KSR2: variants seen among roughly 807,000 people sequenced by gnomAD.
KSR2 encodes kinase suppressor of ras 2.
KSR2 carries 25 observed loss-of-function variants against 107.8 expected under a neutral mutation model. That is an observed-to-expected ratio of 0.23 (90% CI 0.17 to 0.32). The LOEUF (loss-of-function observed/expected upper bound fraction) is 0.32, where lower values mean the gene tolerates loss of function less well. KSR2 is among the 10% of genes least tolerant of loss of function. The pLI, the probability that KSR2 is intolerant of heterozygous loss-of-function variation, is 1.00. For missense variants in KSR2, 887 were observed against 1,268.9 expected, an observed-to-expected ratio of 0.70 and a Z score of 4.57; for synonymous variants, 480 against 507.0, an observed-to-expected ratio of 0.95 and a Z score of 0.71.
intron 9 of KSR2, among the ~76,000 whole-genome samples, 152 bp downstream of exon 9, chr12:117,555,016 CA>C (rs1175021817): frequency 1.3e-5 from 2 of 152,146 alleles, no homozygotes; most frequent in Admixed American, 6.5e-5. Flanking sequence ...GGACGTCCCT[CA>C]AGCTTTACTC....
At chr12:117,922,500 G>C (rs1895373667) in intron 1 of KSR2, among the ~76,000 whole-genome samples, 1 of 152,124 alleles carries the variant, frequency 6.6e-6, no homozygotes, top group African/African-American at 2.4e-5. Flanking sequence ...TAAAGCACTT[G>C]GGGACATTTT....
rs573804742 is a variant in KSR2, at chr12:117,878,562, C to A, written c.181-18131G>T. ...GTAGGCAGAAGTTCTGAGACTTCCA[C>A]GCCTGTGGCCCCTGCACTGCTGGGG... On this transcript the variant is annotated intron_variant, in intron 1 of 19. Coordinates refer to ENST00000339824, the MANE Select transcript of KSR2 (RefSeq NM_173598.6). Among the ~76,000 whole-genome samples the A allele has an allele frequency of 1.7e-3, 257 of 152,284 alleles. 2 individuals are homozygous for A. Among genetic ancestry groups the A allele is most frequent in the African/African-American group, 6.1e-3 (252 of 41,562 alleles).
intron 3 of KSR2, among the ~76,000 whole-genome samples, chr12:117,823,757 G>A (rs986438121): frequency 1.3e-5 from 2 of 152,176 alleles, no homozygotes; most frequent in Non-Finnish European, 2.9e-5. Context: ...TCAAGTAAGA[G>A]AAGAGAGATG....
intron 1 of KSR2, among the ~76,000 whole-genome samples, chr12:117,947,209 G>A (rs868096505): frequency 2.6e-5 from 2 of 77,858 alleles, no homozygotes; most frequent in Non-Finnish European, 4.8e-5. Context: ...AGAAAGAAAA[G>A]AAAGAAAGAA....
At chr12:117,659,390 T>C (rs1428905496) in intron 5 of KSR2, among the ~76,000 whole-genome samples, 4 of 152,156 alleles carry the variant, frequency 2.6e-5, no homozygotes, top group Non-Finnish European at 5.9e-5. Flanking sequence ...ACCCAGAAGT[T>C]GCCTCTCATG....
At position 117,453,239 on chromosome 12, in the gene KSR2, A is replaced by AGT. The variant is rs1223918419; in HGVS notation, c.*13958_*13959dup. On this transcript the variant is annotated 3_prime_UTR_variant, in exon 20 of 20. Coordinates refer to ENST00000339824, the MANE Select transcript of KSR2 (RefSeq NM_173598.6). ...TAAATGATTCTGTACAAATATACAC[A>AGT]GTGGACCCTCCATCCATCTGGCCTT... 6.6e-6 allele frequency: 1 copy of AGT among 152,434 alleles called. No individual in the cohort carries two copies. The highest frequency in any genetic ancestry group is 2.4e-5 in the African/African-American group (1 of 41,466). 9.4% of individuals were successfully genotyped at this position (152,434 alleles called of 1,614,324 possible).
intron 4 of KSR2, among the ~76,000 whole-genome samples, chr12:117,754,800 C>G (rs1193215572): frequency 1.3e-5 from 2 of 152,108 alleles, no homozygotes; most frequent in Admixed American, 1.3e-4. Context: ...GACTCCATCT[C>G]AAAAAATAAA....
chr12:117,484,404 A>G lies in KSR2; in HGVS notation c.2450+12T>C. The stretch of plus-strand genomic sequence containing the variant: ...GTCAGGAAACTCTCCGGGTCTTCCC[A>G]CTGCCTCTCACCTGCCAGCCTGCAG... On this transcript the variant is annotated intron_variant, in intron 16 of 19. Coordinates refer to ENST00000339824, the MANE Select transcript of KSR2 (RefSeq NM_173598.6). 1 of 1,613,630 alleles carries G rather than the reference A, an allele frequency of 6.2e-7. No individual in the cohort carries two copies. Among genetic ancestry groups the G allele is most frequent in the Non-Finnish European group, 8.5e-7 (1 of 1,179,686 alleles).
chr12:117,922,692 C>T (rs189844135), intron 1 of KSR2, among the ~76,000 whole-genome samples: 1 of 152,216 alleles, frequency 6.6e-6, no homozygotes, highest in East Asian at 1.9e-4. Context: ...CTTTAAGACC[C>T]AAAGCAAAAA....
rs377222987 is a variant in KSR2, at chr12:117,730,951, G to A, written c.986+30060C>T. ...CCACCCCGTCTAGGAAGTGAGGAGC[G>A]TCTCTGCCTGGACGTCCATCGTCTG... On this transcript the variant is annotated intron_variant, in intron 4 of 19. Coordinates refer to ENST00000339824, the MANE Select transcript of KSR2 (RefSeq NM_173598.6). Among the ~76,000 whole-genome samples the A allele has an allele frequency of 1.1e-4, 17 of 151,732 alleles. No individual in the cohort carries two copies. The East Asian group carries it at 1.2e-3, about 10-fold the overall frequency.
chr12:117,890,206 T>A (rs182356239), intron 1 of KSR2, among the ~76,000 whole-genome samples: 1 of 152,232 alleles, frequency 6.6e-6, no homozygotes. Context: ...CTTCCTATCT[T>A]ATGTCTTTGA....
At chr12:117,703,522 A>C (rs1291137101) in intron 4 of KSR2, among the ~76,000 whole-genome samples, 1 of 152,180 alleles carries the variant, frequency 6.6e-6, no homozygotes, top group Non-Finnish European at 1.5e-5. Flanking sequence ...GCAGGCTAGA[A>C]GGATAAAACT....
At chr12:117,697,848 T>C (rs958487342) in intron 4 of KSR2, among the ~76,000 whole-genome samples, 4 of 151,584 alleles carry the variant, frequency 2.6e-5, no homozygotes, top group Admixed American at 6.6e-5. Flanking sequence ...GAATGTAATA[T>C]GATATGGAAA....
At chr12:117,792,039 A>G (rs551073231) in intron 3 of KSR2, among the ~76,000 whole-genome samples, 2 of 152,284 alleles carry the variant, frequency 1.3e-5, no homozygotes, top group African/African-American at 4.8e-5. Context: ...GAGCAATGAT[A>G]AAGCATTGCG....
At chr12:117,492,624 A>G (rs1298516926) in intron 14 of KSR2, among the ~76,000 whole-genome samples, 1 of 152,236 alleles carries the variant, frequency 6.6e-6, no homozygotes, top group Non-Finnish European at 1.5e-5. Context: ...GGAACTGGTG[A>G]AAATTTACCC....
chr12:117,623,161 T>G (rs1310993874), intron 5 of KSR2, among the ~76,000 whole-genome samples: 1 of 152,234 alleles, frequency 6.6e-6, no homozygotes, highest in Non-Finnish European at 1.5e-5. Flanking sequence ...CAATGAACAC[T>G]CAGAGGTGAA....
intron 4 of KSR2, among the ~76,000 whole-genome samples, chr12:117,760,486 T>C (rs1888962449): frequency 6.6e-6 from 1 of 152,266 alleles, no homozygotes; most frequent in African/African-American, 2.4e-5. Flanking sequence ...GGTTGAATGA[T>C]GTATTATGAT....
intron 4 of KSR2, among the ~76,000 whole-genome samples, chr12:117,670,523 A>G (rs1284022673): frequency 6.6e-6 from 1 of 152,128 alleles, no homozygotes; most frequent in Non-Finnish European, 1.5e-5. Context: ...ACCCTACATC[A>G]TCACCCACCC....
intron 1 of KSR2, among the ~76,000 whole-genome samples, chr12:117,899,952 T>A (rs1894632376): frequency 6.6e-6 from 1 of 152,184 alleles, no homozygotes; most frequent in South Asian, 2.1e-4. Flanking sequence ...GTCAGAAAGC[T>A]GCAAGGACAT....
Sources: allele counts gnomAD v4.1 joint callset (sites outside exome capture counted in the v4.1 genomes callset), GRCh38; gene constraint gnomAD v4.1.1; transcripts MANE v1.5; gene names NCBI Gene and HGNC (gene_info 2026-07-23, HGNC 2026-07-21).